The following NUDCD3 variants were observed in gnomAD, a reference collection of about 807,000 sequenced individuals.
NUDCD3 encodes the protein nudC domain-containing protein 3.
NUDCD3 carries 13 observed loss-of-function variants against 39.7 expected under a neutral mutation model. That is an observed-to-expected ratio of 0.33 (90% CI 0.21 to 0.52). The LOEUF is 0.52. Among genes scored for constraint, NUDCD3 ranks in the 20% least tolerant of loss-of-function variants. NUDCD3 has a pLI of 0.96. For missense variants in NUDCD3, 453 were observed against 458.1 expected (o/e 0.99, Z 0.10); for synonymous variants, 175 against 172.4 (o/e 1.02, Z -0.12).
chr7:44,386,196 G>A, intron 5 of NUDCD3, 75 bp from the exon 6 acceptor site: 1 of 1,511,038 alleles, frequency 6.6e-7, no homozygotes, highest in Non-Finnish European at 9.1e-7. Context: ...GACTCTGACT[G>A]CAGGTAGAGA....
intron 3 of NUDCD3, among the ~76,000 whole-genome samples, chr7:44,421,858 C>T (rs929300313): frequency 9.2e-5 from 14 of 152,188 alleles, no homozygotes; most frequent in Admixed American, 3.3e-4. Context: ...CCACATAGCA[C>T]TTATTCTAAA....
intron 2 of NUDCD3, among the ~76,000 whole-genome samples, chr7:44,456,384 C>T (rs1338718025): frequency 1.3e-5 from 2 of 152,088 alleles, no homozygotes; most frequent in Non-Finnish European, 1.5e-5. Flanking sequence ...CTTTAAAGGC[C>T]GAGCAAGTAC....
chr7:44,462,423 A>T (rs1800033055), intron 2 of NUDCD3, among the ~76,000 whole-genome samples: 1 of 152,248 alleles, frequency 6.6e-6, no homozygotes, highest in Admixed American at 6.5e-5. Context: ...TACATAACTT[A>T]TACTCTAAAA....
intron 2 of NUDCD3, among the ~76,000 whole-genome samples, chr7:44,430,710 A>G (rs2116907004): frequency 6.6e-6 from 1 of 152,264 alleles, no homozygotes; most frequent in East Asian, 1.9e-4. Flanking sequence ...GAGAATGAGT[A>G]TAATGCCGGG....
At chr7:44,458,495 A>G (rs924218374) in intron 2 of NUDCD3, among the ~76,000 whole-genome samples, 7 of 152,156 alleles carry the variant, frequency 4.6e-5, no homozygotes, top group African/African-American at 1.7e-4. Flanking sequence ...CCCCGTCTCT[A>G]TTAAATACAA....
intron 3 of NUDCD3, among the ~76,000 whole-genome samples, chr7:44,426,632 T>C (rs967810166): frequency 6.6e-6 from 1 of 151,768 alleles, no homozygotes; most frequent in African/African-American, 2.4e-5. Context: ...CCGTCTCTAC[T>C]AAAAATACAA....
intron 2 of NUDCD3, among the ~76,000 whole-genome samples, chr7:44,456,024 T>A (rs1585090991): frequency 2.9e-4 from 6 of 20,806 alleles, no homozygotes; most frequent in East Asian, 1.3e-3. Context: ...AGACTCCGTC[T>A]CAAAAAAAAA....
At chr7:44,470,901 A>C (rs1585101941) in intron 2 of NUDCD3, among the ~76,000 whole-genome samples, 1 of 152,270 alleles carries the variant, frequency 6.6e-6, no homozygotes, top group African/African-American at 2.4e-5. Context: ...ACATACACAA[A>C]TGTGAAAATA....
At chr7:44,416,491 C>CA (rs890215612) in intron 3 of NUDCD3, among the ~76,000 whole-genome samples, 5 of 145,234 alleles carry the variant, frequency 3.4e-5, no homozygotes, top group South Asian at 4.4e-4. Flanking sequence ...GACTCCAAAT[C>CA]AAAAAAAAAT....
intron 2 of NUDCD3, among the ~76,000 whole-genome samples, chr7:44,479,626 A>ATACT: frequency 6.6e-6 from 1 of 152,310 alleles, no homozygotes; most frequent in Non-Finnish European, 1.5e-5. Context: ...TTTTTGCCTA[A>ATACT]TACTGGTTAG....
At chr7:44,477,385 A>G (rs1044310626) in intron 2 of NUDCD3, among the ~76,000 whole-genome samples, 5 of 152,150 alleles carry the variant, frequency 3.3e-5, no homozygotes, top group Non-Finnish European at 7.4e-5. Context: ...GTGCTACCAT[A>G]TTTTCCTTCT....
intron 5 of NUDCD3, among the ~76,000 whole-genome samples, chr7:44,391,595 T>C (rs1798516588): frequency 1.3e-5 from 2 of 152,200 alleles, no homozygotes; most frequent in African/African-American, 4.8e-5. Context: ...GACTCAAGGC[T>C]GCACTGCGTC....
chr7:44,429,731 A>G (rs1035587525), intron 2 of NUDCD3, among the ~76,000 whole-genome samples: 2 of 152,302 alleles, frequency 1.3e-5, no homozygotes, highest in Non-Finnish European at 2.9e-5. Flanking sequence ...CTACTCACAC[A>G]GGCGGGCCAC....
rs777107422 is a variant in NUDCD3 at position 44,386,027 on chromosome 7, C to T, written c.1070G>A (p.Gly357Glu). The T allele has an allele frequency of 5.3e-5, 81 of 1,537,564 alleles. No homozygotes were observed. The highest frequency in any genetic ancestry group is 6.9e-5 in the Non-Finnish European group (77 of 1,110,274). Residue 357 changes from glycine to glutamate, a missense_variant, in exon 6 of 6, where the codon GGG becomes GAG. Coordinates refer to ENST00000355451, the MANE Select transcript of NUDCD3 (RefSeq NM_015332.4). The stretch of plus-strand genomic sequence containing the variant: ...TTCTGGTCATTAAAACTGCACAGCC[C>T]CCGGGGAGATGTTGAACATGGCAGG... ...FDPAMFNISP[G>E]AVQF is the part of the protein sequence containing the mutation.
At chr7:44,453,563 G>A (rs1799834887) in intron 2 of NUDCD3, among the ~76,000 whole-genome samples, 1 of 152,044 alleles carries the variant, frequency 6.6e-6, no homozygotes, top group South Asian at 2.1e-4. Context: ...CAAGATGAAG[G>A]TTAAAACGGT....
intron 2 of NUDCD3, among the ~76,000 whole-genome samples, chr7:44,441,540 C>T (rs906038045): frequency 1.3e-5 from 2 of 152,158 alleles, no homozygotes; most frequent in African/African-American, 4.8e-5. Flanking sequence ...GTCAAAGACT[C>T]GCCATGTCTA....
At chr7:44,406,104 G>T (rs1798815268) in intron 3 of NUDCD3, among the ~76,000 whole-genome samples, 3 of 152,176 alleles carry the variant, frequency 2.0e-5, no homozygotes, top group Admixed American at 2.0e-4. Flanking sequence ...CAGCCCATCA[G>T]ATAGTTACTA....
At chr7:44,392,858 C>A (rs1214120554) in intron 4 of NUDCD3, among the ~76,000 whole-genome samples, 1 of 152,094 alleles carries the variant, frequency 6.6e-6, no homozygotes, top group African/African-American at 2.4e-5. Context: ...TGACACCCCC[C>A]CACACCAGGA....
At chr7:44,479,533 C>A (rs1035284549) in intron 2 of NUDCD3, among the ~76,000 whole-genome samples, 1 of 152,112 alleles carries the variant, frequency 6.6e-6, no homozygotes, top group Admixed American at 6.5e-5. Flanking sequence ...AATCTTGTTT[C>A]TTTCTTTCCC....
Sources: gnomAD v4.1 joint callset for allele counts (sites outside exome capture counted in the v4.1 genomes callset) on GRCh38, gnomAD v4.1.1 for gene constraint, MANE v1.5 for transcripts, NCBI Gene and HGNC (gene_info 2026-07-23, HGNC 2026-07-21) for gene names.